The following ASTN2 variants were observed in gnomAD, a reference collection of about 807,000 sequenced individuals.
ASTN2 encodes the protein astrotactin-2.
ASTN2 carries 54 observed loss-of-function variants against 139.8 expected under a neutral mutation model. The observed-to-expected ratio is 0.39, with a 90% confidence interval of 0.31 to 0.48. The LOEUF (loss-of-function observed/expected upper bound fraction) is 0.48, where lower values mean the gene tolerates loss of function less well. Ranked by LOEUF, ASTN2 falls within the 20% of genes least tolerant of loss-of-function variation. The pLI, the probability that ASTN2 is intolerant of heterozygous loss-of-function variation, is 0.95. For synonymous variants in ASTN2, 756 were observed against 719.5 expected (o/e 1.05, Z -0.81); for missense variants, 1,565 against 1,725.1 (o/e 0.91, Z 1.64).
chr9:116,709,305 GA>G (rs1828077719), intron 16 of ASTN2, among the ~76,000 whole-genome samples: 1 of 152,172 alleles, frequency 6.6e-6, no homozygotes, highest in South Asian at 2.1e-4. Flanking sequence ...AGACCCTTTG[GA>G]TATCTGTGGA....
chr9:116,726,232 T>G (rs1363344138), intron 15 of ASTN2, among the ~76,000 whole-genome samples: 1 of 152,138 alleles, frequency 6.6e-6, no homozygotes, highest in Non-Finnish European at 1.5e-5. Context: ...TTAAAAAAGA[T>G]AAATCAAGAA....
Position 116,976,192 on chromosome 9 carries a change from T to C in ASTN2, c.1677-4A>G, listed in dbSNP as rs1431824044. 9.9e-6 allele frequency: 16 copies of C among 1,609,858 alleles called. No homozygotes were observed. In the East Asian group the frequency reaches 3.4e-4, roughly 34 times the overall value. On this transcript the variant is annotated splice_region_variant and splice_polypyrimidine_tract_variant and intron_variant, in intron 8 of 22. Coordinates refer to ENST00000313400, the MANE Select transcript of ASTN2 (RefSeq NM_001365068.1). ...AAGTGTCGTGTAGGGCCAAGGTCTA[T>C]GGGAAGAAGGAGAGGGGAGAGAAGA... is the stretch of plus-strand genomic sequence containing the variant.
In ASTN2 at chr9:116,829,054, T is replaced by C. The variant is rs573236438; in HGVS notation, c.2041-8271A>G. ...AAACATCCCATGCTCATGAATTGGA[T>C]AATCAATATGTTTAAAAGGATTATA... On this transcript the variant is annotated intron_variant, in intron 11 of 22. Transcript: ENST00000313400. Among the ~76,000 whole-genome samples the C allele has an allele frequency of 4.6e-5, 7 of 152,128 alleles. No homozygotes were observed. The South Asian group carries it at 1.5e-3, about 32-fold the overall frequency.
intron 2 of ASTN2, among the ~76,000 whole-genome samples, chr9:117,256,151 A>T (rs564763177): frequency 5.3e-5 from 8 of 152,040 alleles, no homozygotes; most frequent in Non-Finnish European, 1.2e-4. Flanking sequence ...CGGAATGGGG[A>T]GTGGGAAGGA....
At chr9:116,886,443 C>T (rs1260037081) in intron 10 of ASTN2, among the ~76,000 whole-genome samples, 3 of 152,196 alleles carry the variant, frequency 2.0e-5, no homozygotes, top group Admixed American at 2.0e-4. Flanking sequence ...GGTGCGATCA[C>T]ACACTGAAGG....
At chr9:116,665,402 T>G (rs996370643) in intron 16 of ASTN2, among the ~76,000 whole-genome samples, 3 of 152,216 alleles carry the variant, frequency 2.0e-5, no homozygotes, top group African/African-American at 7.2e-5. Context: ...AAAAATTATG[T>G]AAACTGAAAT....
At chr9:116,567,868 AGTT>A (rs1478762925) in intron 19 of ASTN2, among the ~76,000 whole-genome samples, 2 of 152,162 alleles carry the variant, frequency 1.3e-5, no homozygotes, top group African/African-American at 4.8e-5. Flanking sequence ...TCAAGGTAAG[AGTT>A]ATTATCTCTG....
rs111634677 is a variant in ASTN2, at chr9:116,861,252, C to T, written c.2040+2331G>A. Among the ~76,000 whole-genome samples the T allele has an allele frequency of 9.9e-5, 15 of 151,334 alleles. No individual in the cohort carries two copies. In the East Asian group the frequency reaches 2.3e-3, roughly 24 times the overall value. On this transcript the variant is annotated intron_variant, in intron 11 of 22. Coordinates refer to ENST00000313400, the MANE Select transcript of ASTN2 (RefSeq NM_001365068.1). The stretch of plus-strand genomic sequence containing the variant: ...ACACACACACACACACACACACACA[C>T]ACACACACACTCCTCTGTATTTGAG...
rs1564268808 is a variant in ASTN2, at chr9:116,790,964, AAGG to A, written c.2396+14665_2396+14667del. ...AAAGAAAGAAAGAAAGAAAAGAAAG[AAGG>A]AAAGAAAGAAAGAAAGAAAGAAAGA... On this transcript the variant is annotated intron_variant, in intron 13 of 22. Coordinates refer to ENST00000313400, the MANE Select transcript of ASTN2 (RefSeq NM_001365068.1). 5.1e-4 allele frequency among the ~76,000 whole-genome samples: 54 copies of A among 106,760 alleles called. 1 individual carries two copies. Among genetic ancestry groups the A allele is most frequent in the African/African-American group, 1.6e-3 (42 of 25,644 alleles). 70.0% of individuals were successfully genotyped at this position (106,760 alleles called of 152,430 possible). A position where few individuals can be genotyped will look rare whatever the true frequency, so the allele number is the denominator to read the frequency against.
At chr9:116,899,903 G>T (rs745695135) in intron 10 of ASTN2, among the ~76,000 whole-genome samples, 1 of 152,028 alleles carries the variant, frequency 6.6e-6, no homozygotes, top group Non-Finnish European at 1.5e-5. Context: ...AAGCAGACCC[G>T]TAAAAGTGGC....
intron 7 of ASTN2, among the ~76,000 whole-genome samples, chr9:117,007,738 A>T (rs942605593): frequency 1.6e-4 from 25 of 152,144 alleles, no homozygotes; most frequent in Non-Finnish European, 3.2e-4. Context: ...TGCTATTTTC[A>T]TTCTCTTGTA....
At chr9:116,663,608 T>G (rs1858690310) in intron 16 of ASTN2, among the ~76,000 whole-genome samples, 1 of 152,170 alleles carries the variant, frequency 6.6e-6, no homozygotes, top group South Asian at 2.1e-4. Flanking sequence ...ACTCTGCTGC[T>G]AGGGGCAGGG....
chr9:117,331,237 A>C (rs543559903), intron 1 of ASTN2, among the ~76,000 whole-genome samples: 11 of 152,244 alleles, frequency 7.2e-5, no homozygotes, highest in African/African-American at 2.6e-4. Flanking sequence ...GAATGGGGGA[A>C]CCTGAGCTAT....
chr9:116,697,995 A>G, intron 16 of ASTN2: 1 of 1,614,206 alleles, frequency 6.2e-7, no homozygotes. Context: ...AGTGCTAAAG[A>G]TCATTGATAC....
intron 1 of ASTN2, among the ~76,000 whole-genome samples, chr9:117,301,549 A>T (rs550688810): frequency 6.6e-6 from 1 of 152,296 alleles, no homozygotes; most frequent in Non-Finnish European, 1.5e-5. Context: ...TGATTCACAG[A>T]TTCCAAATTC....
chr9:117,023,837 G>A (rs1003134028), intron 6 of ASTN2, among the ~76,000 whole-genome samples: 4 of 152,072 alleles, frequency 2.6e-5, no homozygotes, highest in Admixed American at 6.6e-5. Context: ...GGTTGTTTCC[G>A]GAAGGAGAGA....
At chr9:117,327,595 GT>G (rs1828558847) in intron 1 of ASTN2, among the ~76,000 whole-genome samples, 1 of 152,130 alleles carries the variant, frequency 6.6e-6, no homozygotes, top group African/African-American at 2.4e-5. Flanking sequence ...CTGAAAGTTT[GT>G]GAGCAGGAAA....
chr9:117,308,739 C>T (rs1341633128), intron 1 of ASTN2, among the ~76,000 whole-genome samples: 2 of 151,740 alleles, frequency 1.3e-5, no homozygotes, highest in South Asian at 2.1e-4. Flanking sequence ...AGGGAGAGGA[C>T]AGCTTTAAAA....
intron 19 of ASTN2, among the ~76,000 whole-genome samples, chr9:116,616,543 C>T (rs536764241): frequency 1.3e-5 from 2 of 152,278 alleles, no homozygotes; most frequent in East Asian, 1.9e-4. Context: ...AAGTCACATA[C>T]GTCTTTGGGA....
Sources: gnomAD v4.1 joint callset for allele counts (sites outside exome capture counted in the v4.1 genomes callset) on GRCh38, gnomAD v4.1.1 for gene constraint, MANE v1.5 for transcripts, NCBI Gene and HGNC (gene_info 2026-07-23, HGNC 2026-07-21) for gene names.